RANBP2: variants seen among roughly 807,000 people sequenced by gnomAD.
RANBP2 encodes the protein RAN binding protein 2.
RANBP2 carries 57 observed loss-of-function variants against 303.6 expected under a neutral mutation model. The ratio of observed to expected loss-of-function variants is 0.19; its 90% CI spans 0.15 to 0.23. RANBP2 has a LOEUF of 0.23. Ranked by LOEUF, RANBP2 falls within the 10% of genes least tolerant of loss-of-function variation. RANBP2 has a pLI of 1.00. For synonymous variants in RANBP2, 1,167 were observed against 1,301.5 expected (o/e 0.90, Z 2.23); for missense variants, 3,138 against 3,780.8 (o/e 0.83, Z 4.46).
chr2:109,400,287 A>G, the RANBP2 span, among the ~76,000 whole-genome samples: 4 of 152,004 alleles, frequency 2.6e-5, no homozygotes, highest in Admixed American at 6.6e-5. Context: ...ATGCACTCCC[A>G]CGCACATGTG....
chr2:109,378,584 G>C, the RANBP2 span, among the ~76,000 whole-genome samples: 4 of 152,166 alleles, frequency 2.6e-5, no homozygotes, highest in Non-Finnish European at 4.4e-5. Context: ...TGGACATCTT[G>C]GCATTCCTGC....
chr2:108,845,357 A>G, the RANBP2 span, among the ~76,000 whole-genome samples: 1 of 152,164 alleles, frequency 6.6e-6, no homozygotes, highest in African/African-American at 2.4e-5. Flanking sequence ...TAGATGCAGA[A>G]ATTTAAAAGC....
At chr2:109,281,759 A>G in the RANBP2 span, among the ~76,000 whole-genome samples, 1 of 152,174 alleles carries the variant, frequency 6.6e-6, no homozygotes, top group Non-Finnish European at 1.5e-5. Context: ...CCCAGAGAGC[A>G]AGAGCAAGCC....
chr2:108,854,673 T>C, the RANBP2 span, among the ~76,000 whole-genome samples: 1 of 152,184 alleles, frequency 6.6e-6, no homozygotes, highest in Non-Finnish European at 1.5e-5. Context: ...GTTGGTAATT[T>C]GGGCTCAGCT....
the RANBP2 span, among the ~76,000 whole-genome samples, chr2:109,612,893 C>G: frequency 6.6e-6 from 1 of 152,232 alleles, no homozygotes; most frequent in Non-Finnish European, 1.5e-5. Context: ...CCTCTAATCT[C>G]TCAGCCTGCA....
At chr2:109,415,734 C>T in the RANBP2 span, among the ~76,000 whole-genome samples, 2 of 152,172 alleles carry the variant, frequency 1.3e-5, no homozygotes, top group East Asian at 1.9e-4. Flanking sequence ...GCCTCCAAAC[C>T]GTCACTTCAT....
chr2:108,725,153 T>C (rs1217531172), intron 1 of RANBP2, among the ~76,000 whole-genome samples: 1 of 152,076 alleles, frequency 6.6e-6, no homozygotes, highest in East Asian at 1.9e-4. Context: ...TGAATTCAGG[T>C]ATTTGCTTAT....
At chr2:109,614,674 C>T in the RANBP2 span, 2 of 1,485,728 alleles carry the variant, frequency 1.3e-6, no homozygotes, top group South Asian at 1.3e-5. Context: ...CTGGTGAACG[C>T]CGTGGCCACT....
the RANBP2 span, among the ~76,000 whole-genome samples, chr2:108,881,925 C>T: frequency 2.0e-5 from 3 of 152,126 alleles, no homozygotes; most frequent in Non-Finnish European, 2.9e-5. Context: ...TAGAGGATTG[C>T]TTGAGGCCAG....
At chr2:109,217,125 T>C in the RANBP2 span, among the ~76,000 whole-genome samples, 4 of 152,234 alleles carry the variant, frequency 2.6e-5, no homozygotes, top group African/African-American at 7.2e-5. Context: ...TCTTTAAGGC[T>C]AAATCCTATT....
the RANBP2 span, among the ~76,000 whole-genome samples, chr2:109,280,202 T>G: frequency 6.6e-6 from 1 of 152,198 alleles, no homozygotes; most frequent in African/African-American, 2.4e-5. Flanking sequence ...CACTAGTGAA[T>G]GCCCGTGGCA....
chr2:109,177,137 C>CT, the RANBP2 span, among the ~76,000 whole-genome samples: 6 of 152,190 alleles, frequency 3.9e-5, no homozygotes, highest in African/African-American at 1.4e-4. Context: ...GATTAGCCAT[C>CT]TGCCTTTATC....
the RANBP2 span, among the ~76,000 whole-genome samples, chr2:108,867,205 G>A: frequency 5.1e-4 from 78 of 152,128 alleles, no homozygotes; most frequent in Non-Finnish European, 4.0e-4. Context: ...TAGGGCCAGG[G>A]CAGTGATAAG....
At chr2:108,832,944 T>A in the RANBP2 span, among the ~76,000 whole-genome samples, 2 of 152,060 alleles carry the variant, frequency 1.3e-5, no homozygotes, top group African/African-American at 4.8e-5. Context: ...CAGGAAATGG[T>A]TTTAAGCAAG....
At chr2:109,052,949 A>G in the RANBP2 span, among the ~76,000 whole-genome samples, 1 of 152,242 alleles carries the variant, frequency 6.6e-6, no homozygotes, top group Non-Finnish European at 1.5e-5. Context: ...TAAGCCAACC[A>G]TCATTCCATG....
At chr2:109,057,214 T>C in the RANBP2 span, among the ~76,000 whole-genome samples, 8 of 152,128 alleles carry the variant, frequency 5.3e-5, no homozygotes, top group African/African-American at 1.9e-4. Flanking sequence ...ATCTTCAGTG[T>C]CCCCCATAAA....
the RANBP2 span, among the ~76,000 whole-genome samples, chr2:109,135,500 C>G: frequency 3.3e-5 from 5 of 152,190 alleles, no homozygotes; most frequent in Non-Finnish European, 7.3e-5. Context: ...GCCTGGCACA[C>G]GTGATTGGCT....
chr2:109,156,564 G>T, the RANBP2 span, among the ~76,000 whole-genome samples: 1 of 151,970 alleles, frequency 6.6e-6, no homozygotes, highest in Non-Finnish European at 1.5e-5. Flanking sequence ...TTCTGCCTCA[G>T]CCTTCTGAGT....
the RANBP2 span, among the ~76,000 whole-genome samples, chr2:109,397,681 C>T: frequency 6.6e-6 from 1 of 152,194 alleles, no homozygotes; most frequent in South Asian, 2.1e-4. Flanking sequence ...GGTACCTCCC[C>T]AGGCTGTGTA....
Sources: gnomAD v4.1 joint callset for allele counts (sites outside exome capture counted in the v4.1 genomes callset) on GRCh38, gnomAD v4.1.1 for gene constraint, MANE v1.5 for transcripts, NCBI Gene and HGNC (gene_info 2026-07-23, HGNC 2026-07-21) for gene names.